Variants in OSBPL9 observed in about 807,000 individuals in gnomAD.
OSBPL9 encodes the protein oxysterol-binding protein-related protein 9.
OSBPL9 carries 40 observed loss-of-function variants against 106.6 expected under a neutral mutation model. The observed-to-expected ratio is 0.38, with a 90% CI of 0.29 to 0.49. OSBPL9 has a LOEUF of 0.49. OSBPL9 is among the 20% of genes least tolerant of loss of function. The probability of loss-of-function intolerance (pLI) is 0.97; values close to 1 mark genes in which losing one functional copy is unlikely to be tolerated. For missense variants in OSBPL9, 609 were observed against 887.2 expected, an observed-to-expected ratio of 0.69 and a Z score of 3.98; for synonymous variants, 269 against 295.4, an observed-to-expected ratio of 0.91 and a Z score of 0.92.
At chr1:51,664,025 TG>T (rs1647793422) in intron 2 of OSBPL9, among the ~76,000 whole-genome samples, 1 of 152,216 alleles carries the variant, frequency 6.6e-6, no homozygotes, top group Non-Finnish European at 1.5e-5. Flanking sequence ...ATACCACTGA[TG>T]GGAGTATAGC....
intron 2 of OSBPL9, among the ~76,000 whole-genome samples, chr1:51,660,667 A>G (rs547621182): frequency 2.0e-5 from 3 of 152,342 alleles, no homozygotes; most frequent in East Asian, 1.9e-4. Context: ...TGTTGAATCA[A>G]TGAATGAATG....
intron 1 of OSBPL9, among the ~76,000 whole-genome samples, chr1:51,630,888 A>C (rs1645065967): frequency 6.6e-6 from 1 of 152,132 alleles, no homozygotes; most frequent in African/African-American, 2.4e-5. Flanking sequence ...CTTATTCTAT[A>C]AGCTCTTTTC....
intron 1 of OSBPL9, among the ~76,000 whole-genome samples, chr1:51,636,841 T>C (rs1021811809): frequency 6.6e-6 from 1 of 152,184 alleles, no homozygotes; most frequent in African/African-American, 2.4e-5. Flanking sequence ...AAAACACATC[T>C]GATCCAAAGG....
At chr1:51,597,787 G>A (rs1394008715) in intron 1 of OSBPL9, among the ~76,000 whole-genome samples, 1 of 152,192 alleles carries the variant, frequency 6.6e-6, no homozygotes, top group Non-Finnish European at 1.5e-5. Flanking sequence ...TTGCCCATTG[G>A]CAGGGTGGTC....
At chr1:51,735,435 C>T (rs770505210) in intron 4 of OSBPL9, among the ~76,000 whole-genome samples, 1 of 152,152 alleles carries the variant, frequency 6.6e-6, no homozygotes, top group Non-Finnish European at 1.5e-5. Context: ...CCCACTAGCC[C>T]GGTGGAGTAC....
In OSBPL9 at chr1:51,783,953, C is replaced by A; in HGVS notation, c.1552C>A (p.Gln518Lys). ...FYAECFNKKIQFNAHIWTKSK... is the reference protein window; with the variant it reads ...FYAECFNKKIKFNAHIWTKSK... ...TGCTGAGTGTTTTAACAAGAAGATACAATTCAATGCTCATATCTGGACCAA... is the reference window on the plus strand; with the variant it reads ...TGCTGAGTGTTTTAACAAGAAGATAAAATTCAATGCTCATATCTGGACCAA... The change falls in exon 18 of 24, where the codon CAA becomes AAA. Residue 518 changes from glutamine to lysine, a missense_variant. Physicochemically the swap from Gln to Lys is moderately conservative, Grantham distance 53. Around this residue, in one of 5 missense-constraint regions of OSBPL9, gnomAD observed 356 missense variants for 505.8 expected, o/e 0.70. Transcript: ENST00000428468. 6.2e-7 allele frequency: 1 copy of A among 1,613,974 alleles called. No individual in the cohort carries two copies. The highest frequency in any genetic ancestry group is 8.5e-7 in the Non-Finnish European group (1 of 1,179,860).
chr1:51,520,777 C>G, the OSBPL9 span, among the ~76,000 whole-genome samples: 1 of 152,178 alleles, frequency 6.6e-6, no homozygotes, highest in African/African-American at 2.4e-5. Flanking sequence ...AGAAATTTCC[C>G]AAGGAACTCC....
chr1:51,621,283 C>T (rs955369465), intron 1 of OSBPL9, among the ~76,000 whole-genome samples: 2 of 152,156 alleles, frequency 1.3e-5, no homozygotes, highest in African/African-American at 2.4e-5. Context: ...GGGGAGATCA[C>T]CTGAGGTCAG....
In OSBPL9 at chr1:51,746,746, G is replaced by T; in HGVS notation, c.451G>T (p.Glu151Ter). 6.2e-7 allele frequency: 1 copy of T among 1,607,000 alleles called. No individual in the cohort carries two copies. Among genetic ancestry groups the T allele is most frequent in the South Asian group, 1.1e-5 (1 of 89,220 alleles). ...CAAGCTTCAAAACTGCAAAGAAGAT[G>T]AACAGAGAAAGGTAACTTCCATAAC... is the stretch of plus-strand genomic sequence containing the variant. ...DDKLQNCKED[E>*]QRKKIETLKE... Residue 151 changes from glutamate to a stop codon, truncating the protein, a stop_gained, in exon 6 of 24, where the codon GAA becomes TAA. Transcript: ENST00000428468. LOFTEE classifies it high-confidence loss of function.
At chr1:51,546,479 C>T in the OSBPL9 span, among the ~76,000 whole-genome samples, 3 of 151,858 alleles carry the variant, frequency 2.0e-5, no homozygotes, top group South Asian at 2.1e-4. Context: ...GGGTGGATCA[C>T]GAGGTCAGGA....
intron 1 of OSBPL9, among the ~76,000 whole-genome samples, chr1:51,631,730 G>C (rs1645118192): frequency 6.6e-6 from 1 of 152,160 alleles, no homozygotes; most frequent in Non-Finnish European, 1.5e-5. Flanking sequence ...TTTGGGGAAG[G>C]ATTATTATCA....
intron 1 of OSBPL9, among the ~76,000 whole-genome samples, chr1:51,585,711 G>A (rs1198806464): frequency 2.0e-5 from 3 of 151,940 alleles, no homozygotes; most frequent in Non-Finnish European, 4.4e-5. Flanking sequence ...GGGAAGTGGA[G>A]GTTGCAGTGA....
At chr1:51,663,246 A>T (rs1647522666) in intron 2 of OSBPL9, among the ~76,000 whole-genome samples, 1 of 152,118 alleles carries the variant, frequency 6.6e-6, no homozygotes, top group Non-Finnish European at 1.5e-5. Flanking sequence ...ATTTATTTAG[A>T]CTGGCAAATC....
At chr1:51,656,528 C>T (rs956003049) in intron 2 of OSBPL9, among the ~76,000 whole-genome samples, 2 of 152,056 alleles carry the variant, frequency 1.3e-5, no homozygotes, top group Non-Finnish European at 1.5e-5. Flanking sequence ...GAGCTCATCG[C>T]TTAAGAGACT....
intron 1 of OSBPL9, among the ~76,000 whole-genome samples, chr1:51,627,160 T>A (rs1481051128): frequency 1.3e-5 from 2 of 152,128 alleles, no homozygotes; most frequent in Non-Finnish European, 2.9e-5. Context: ...TGTGCCACCA[T>A]GTGGGCTACT....
chr1:51,545,298 C>T, the OSBPL9 span, among the ~76,000 whole-genome samples: 35 of 152,154 alleles, frequency 2.3e-4, no homozygotes, highest in East Asian at 6.6e-3. Flanking sequence ...GAACAATAGA[C>T]AAATACATAG....
the OSBPL9 span, among the ~76,000 whole-genome samples, chr1:51,535,468 T>C: frequency 1.3e-5 from 2 of 152,238 alleles, no homozygotes; most frequent in Non-Finnish European, 2.9e-5. Flanking sequence ...GCTCCATTTC[T>C]CTGCTCCCAT....
intron 1 of OSBPL9, among the ~76,000 whole-genome samples, chr1:51,584,833 A>G (rs1557575759): frequency 6.6e-6 from 1 of 152,140 alleles, no homozygotes; most frequent in Non-Finnish European, 1.5e-5. Context: ...CCCTGAATCA[A>G]TCTCTGTTAC....
chr1:51,668,700 A>G (rs992479635), intron 2 of OSBPL9, among the ~76,000 whole-genome samples: 1 of 152,190 alleles, frequency 6.6e-6, no homozygotes, highest in African/African-American at 2.4e-5. Context: ...TTCCCAAAAC[A>G]ACTTGTAAAT....
Sources: gnomAD v4.1 joint callset for allele counts (sites outside exome capture counted in the v4.1 genomes callset) on GRCh38, gnomAD v4.1.1 for gene constraint, gnomAD v4.1.1 regional missense constraint, MANE v1.5 for transcripts, NCBI Gene and HGNC (gene_info 2026-07-23, HGNC 2026-07-21) for gene names.